Variants in SEMA3A observed in about 807,000 individuals in gnomAD.
SEMA3A encodes semaphorin 3A.
A neutral mutation model predicts 97.9 loss-of-function variants in SEMA3A; 29 were observed. That is an observed-to-expected ratio of 0.30 (90% CI 0.22 to 0.40). The LOEUF (loss-of-function observed/expected upper bound fraction) is 0.40, where lower values mean the gene tolerates loss of function less well. Among genes scored for constraint, SEMA3A ranks in the 10% least tolerant of loss-of-function variants. The probability of loss-of-function intolerance (pLI) is 1.00; values close to 1 mark genes in which losing one functional copy is unlikely to be tolerated. For synonymous variants in SEMA3A, 321 were observed against 323.7 expected (o/e 0.99, Z 0.09); for missense variants, 763 against 951.3 (o/e 0.80, Z 2.60).
chr7:84,097,886 CA>C (rs1794824608), intron 4 of SEMA3A, among the ~76,000 whole-genome samples: 1 of 151,904 alleles, frequency 6.6e-6, no homozygotes, highest in Non-Finnish European at 1.5e-5. Context: ...TGACCCTTCA[CA>C]AAAAGATATA....
intron 2 of SEMA3A, among the ~76,000 whole-genome samples, chr7:84,318,491 T>G (rs1801569430): frequency 6.6e-6 from 1 of 151,400 alleles, no homozygotes; most frequent in Non-Finnish European, 1.5e-5. Context: ...CCCGGCTAAT[T>G]TTTTGTATTT....
intron 2 of SEMA3A, among the ~76,000 whole-genome samples, chr7:84,308,811 T>G (rs1018162225): frequency 2.7e-5 from 3 of 110,618 alleles, no homozygotes; most frequent in Non-Finnish European, 3.8e-5. Context: ...GAGAGAAATA[T>G]CACTTTTTTT....
At chr7:84,371,565 A>G (rs142494208) in intron 2 of SEMA3A, among the ~76,000 whole-genome samples, 148 of 152,036 alleles carry the variant, frequency 9.7e-4, no homozygotes, top group Middle Eastern at 3.4e-3. Flanking sequence ...AATTATATCC[A>G]TCTCATTACT....
At chr7:84,237,822 G>A (rs1194106860) in intron 3 of SEMA3A, among the ~76,000 whole-genome samples, 2 of 152,050 alleles carry the variant, frequency 1.3e-5, no homozygotes, top group Non-Finnish European at 2.9e-5. Flanking sequence ...AGACCCAGAT[G>A]CAACCAATTA....
At chr7:83,963,762 G>A (rs1788571278) in intron 15 of SEMA3A, among the ~76,000 whole-genome samples, 1 of 152,118 alleles carries the variant, frequency 6.6e-6, no homozygotes, top group South Asian at 2.1e-4. Flanking sequence ...TAAGTTTTTG[G>A]AAACAAGGAT....
chr7:83,986,392 C>T (rs1001654017), intron 12 of SEMA3A, among the ~76,000 whole-genome samples: 1 of 152,156 alleles, frequency 6.6e-6, no homozygotes, highest in Middle Eastern at 3.2e-3. Context: ...TAACACTCAT[C>T]AATGCACTTC....
chr7:84,378,744 G>A (rs1187679816), intron 1 of SEMA3A, among the ~76,000 whole-genome samples: 1 of 151,914 alleles, frequency 6.6e-6, no homozygotes, highest in Non-Finnish European at 1.5e-5. Flanking sequence ...AGTGAATTTA[G>A]ACATGAGAAT....
At chr7:84,349,614 T>C (rs569061965) in intron 2 of SEMA3A, among the ~76,000 whole-genome samples, 41 of 152,318 alleles carry the variant, frequency 2.7e-4, no homozygotes, top group African/African-American at 9.9e-4. Flanking sequence ...ACAGACACTG[T>C]GACCAGAGGA....
At chr7:84,205,248 C>T (rs945757489) in intron 3 of SEMA3A, among the ~76,000 whole-genome samples, 36 of 152,318 alleles carry the variant, frequency 2.4e-4, no homozygotes, top group African/African-American at 7.9e-4. Flanking sequence ...CAATAGCACT[C>T]TTTACTATTT....
intron 3 of SEMA3A, among the ~76,000 whole-genome samples, chr7:84,234,190 T>C (rs1266964741): frequency 1.3e-5 from 2 of 152,016 alleles, no homozygotes; most frequent in Non-Finnish European, 2.9e-5. Flanking sequence ...GAATTGCTTC[T>C]AGCTAAATTC....
intron 15 of SEMA3A, among the ~76,000 whole-genome samples, chr7:83,974,896 A>T (rs1216510998): frequency 6.6e-6 from 1 of 152,074 alleles, no homozygotes; most frequent in Non-Finnish European, 1.5e-5. Flanking sequence ...GTTGTTTACC[A>T]CAACCCTCCC....
chr7:84,268,537 A>C (rs1437588965), intron 3 of SEMA3A, among the ~76,000 whole-genome samples: 3 of 151,774 alleles, frequency 2.0e-5, no homozygotes, highest in Non-Finnish European at 4.4e-5. Flanking sequence ...CCTTCCTAGT[A>C]TTTTCCCTTT....
intron 3 of SEMA3A, among the ~76,000 whole-genome samples, chr7:84,226,607 G>C (rs1798995057): frequency 6.6e-6 from 1 of 151,882 alleles, no homozygotes; most frequent in Non-Finnish European, 1.5e-5. Context: ...CATTGTAGTT[G>C]GGCAAAAATT....
Position 84,349,255 on chromosome 7 carries a change from C to CTCTGCCA in SEMA3A, c.-169+22562_-169+22568dup, listed in dbSNP as rs1802379824. Among the ~76,000 whole-genome samples the CTCTGCCA allele has an allele frequency of 3.3e-5, 5 of 152,048 alleles. No individual in the cohort carries two copies. In the South Asian group the frequency reaches 1.0e-3, roughly 32 times the overall value. ...ACCTCCATGTACGTTATGGGTTCAA[C>CTCTGCCA]TCTGCCATCTTTTTTCCTCCCTCCA... On this transcript the variant is annotated intron_variant, in intron 2 of 3. Coordinates refer to the SEMA3A transcript ENST00000424555.
chr7:83,986,017 T>G (rs528290371), intron 12 of SEMA3A, among the ~76,000 whole-genome samples: 1 of 152,336 alleles, frequency 6.6e-6, no homozygotes, highest in African/African-American at 2.4e-5. Flanking sequence ...GTTTGGACAA[T>G]GTTCATGTTT....
chr7:84,408,744 G>A (rs575588769), intron 1 of SEMA3A, among the ~76,000 whole-genome samples: 2,305 of 151,666 alleles, frequency 0.015, 63 homozygotes, highest in African/African-American at 0.053. Context: ...GTCCTTTGTA[G>A]GGACATGGAT....
intron 2 of SEMA3A, among the ~76,000 whole-genome samples, chr7:84,325,128 T>TATC (rs1209140914): frequency 1.1e-5 from 1 of 87,982 alleles, no homozygotes; most frequent in Non-Finnish European, 2.7e-5. Flanking sequence ...TCTATCTATC[T>TATC]ATCTATCTAT....
chr7:84,467,432 G>A (rs1806030133), intron 1 of SEMA3A, among the ~76,000 whole-genome samples: 1 of 149,450 alleles, frequency 6.7e-6, no homozygotes, highest in African/African-American at 2.5e-5. Flanking sequence ...TGAGGCAGGA[G>A]AATTGCTTGA....
chr7:84,138,230 T>C (rs1428347797), intron 1 of SEMA3A, among the ~76,000 whole-genome samples: 2 of 152,128 alleles, frequency 1.3e-5, no homozygotes, highest in African/African-American at 2.4e-5. Context: ...TTTTTCTTTT[T>C]TTTTAACCTA....
Sources: gnomAD v4.1 joint callset for allele counts (sites outside exome capture counted in the v4.1 genomes callset) on GRCh38, gnomAD v4.1.1 for gene constraint, MANE v1.5 for transcripts, NCBI Gene and HGNC (gene_info 2026-07-23, HGNC 2026-07-21) for gene names.